The following TBC1D17 variants were observed in gnomAD, a reference collection of about 807,000 sequenced individuals.
TBC1D17 encodes the protein TBC1 domain family, member 17.
A neutral mutation model predicts 78.8 loss-of-function variants in TBC1D17; 69 were observed. The observed-to-expected ratio is 0.88, with a 90% CI of 0.72 to 1.07. The LOEUF (loss-of-function observed/expected upper bound fraction) is 1.07. TBC1D17 is among the 50% of genes least tolerant of loss of function. The pLI is 0.00. For synonymous variants in TBC1D17, 456 were observed against 358.3 expected, an observed-to-expected ratio of 1.27 and a Z score of -3.08; for missense variants, 957 against 861.0, an observed-to-expected ratio of 1.11 and a Z score of -1.39.
intron 1 of TBC1D17, 33 bp from the exon 2 acceptor site, chr19:49,878,110 G>T: frequency 1.3e-6 from 2 of 1,540,998 alleles, no homozygotes. Flanking sequence ...CCCTCGCTTG[G>T]GCCCCAGCCC....
chr19:49,888,542 C>A lies in TBC1D17; in HGVS notation c.1865C>A (p.Pro622Gln). 6.5e-7 allele frequency: 1 copy of A among 1,536,568 alleles called. No individual in the cohort carries two copies. The highest frequency in any genetic ancestry group is 8.7e-7 in the Non-Finnish European group (1 of 1,146,018). Residue 622 changes from proline to glutamine, a missense_variant, in exon 17 of 17, where the codon CCG (proline) becomes CAG (glutamine). Transcript: ENST00000221543. Reference protein sequence around the residue: ...LSPTRAPPTPPPSTDTAPQPD... With the variant: ...LSPTRAPPTPQPSTDTAPQPD... ...CCCACCCGGGCCCCGCCCACCCCGC[C>A]GCCCTCCACGGACACAGCCCCGCAG...
chr19:49,882,125 T>C lies in TBC1D17; in HGVS notation c.612T>C (p.Phe204=), dbSNP rs768068595. 6.8e-6 allele frequency: 11 copies of C among 1,614,120 alleles called. No individual in the cohort carries two copies. The highest frequency in any genetic ancestry group is 9.3e-6 in the Non-Finnish European group (11 of 1,180,006). Residue 204 remains phenylalanine, a synonymous_variant, in exon 6 of 17, where the codon TTT becomes TTC. Transcript: ENST00000221543. ...ACTCCTTCCACCACCTGCAGCTCTT[T>C]GACCAGGACAGCTCCAATGTGGTGT... ...LSNSFHHLQL[F]DQDSSNVVSR...
intron 14 of TBC1D17, 37 bp downstream of exon 14, chr19:49,887,610 T>TG (rs1383014563): frequency 2.5e-6 from 4 of 1,611,786 alleles, no homozygotes; most frequent in Non-Finnish European, 3.4e-6. Context: ...CCTGAAGGGG[T>TG]GGGCTCACCT....
intron 4 of TBC1D17, 95 bp downstream of exon 4, chr19:49,880,497 C>T: frequency 6.7e-7 from 1 of 1,485,124 alleles, no homozygotes; most frequent in Non-Finnish European, 9.0e-7. Context: ...TTGCTGCCCA[C>T]AATCAAGAAG....
rs2075037393 is a variant in TBC1D17 at position 49,883,943 on chromosome 19, G to A, written c.1126+198G>A. Among the ~76,000 whole-genome samples, 2 of 152,304 alleles carry A rather than the reference G, an allele frequency of 1.3e-5. 1 individual carries two copies. The highest frequency in any genetic ancestry group is 6.8e-3 in the Middle Eastern group (2 of 294). On this transcript the variant is annotated intron_variant, in intron 10 of 16. Transcript: ENST00000221543. ...GCCAGGGACAGGATGGGAAAGAAGG[G>A]GAGCCCAGCTCCCTTCAGGCCCAGT...
At position 49,884,771 on chromosome 19, in the gene TBC1D17, G is replaced by A. The variant is rs780905720; in HGVS notation, c.1444+13G>A. The stretch of plus-strand genomic sequence containing the variant: ...TGCGACTTCCTGGGTATGTCTCTCG[G>A]GAGGGTGGGCAGGAGACAATGGGGC... On this transcript the variant is annotated intron_variant, in intron 13 of 16. Coordinates refer to ENST00000221543, the MANE Select transcript of TBC1D17 (RefSeq NM_024682.3). 56 of 1,612,652 alleles carry A rather than the reference G, an allele frequency of 3.5e-5. No individual in the cohort carries two copies. In the Admixed American group the frequency reaches 8.8e-4, roughly 25 times the overall value.
In TBC1D17 at chr19:49,880,393, C is replaced by T. The variant is rs1038152730; in HGVS notation, c.310C>T (p.Pro104Ser). Residue 104 changes from proline to serine, a missense_variant, in exon 4 of 17, where the codon CCC becomes TCC. Coordinates refer to ENST00000221543, the MANE Select transcript of TBC1D17 (RefSeq NM_024682.3). The stretch of plus-strand genomic sequence containing the variant: ...GCGGCCACAGCTCTGCCACTCAGAG[C>T]CCACGAGAGGTAGGCTGAGGTGGCG... ...TVRPQLCHSE[P>S]TRGAEPSCPQ... The T allele has an allele frequency of 8.7e-6, 14 of 1,613,586 alleles. No homozygotes were observed. Among genetic ancestry groups the T allele is most frequent in the Non-Finnish European group, 9.3e-6 (11 of 1,179,840 alleles).
At chr19:49,884,418 C>A (rs746844668) in intron 11 of TBC1D17, 41 bp from the exon 12 acceptor site, 1 of 1,613,462 alleles carries the variant, frequency 6.2e-7, no homozygotes, top group Admixed American at 1.7e-5. Context: ...TCCAGGGGAG[C>A]GCTGCGGGCT....
chr19:49,885,245 C>G (rs2075048845), intron 13 of TBC1D17: 1 of 167,450 alleles, frequency 6.0e-6, no homozygotes, highest in Non-Finnish European at 1.3e-5. Context: ...GTCAGGAGTT[C>G]AAGACCAGCC....
Position 49,883,765 on chromosome 19 carries a change from CT to C in TBC1D17, c.1126+22del. 1.2e-6 allele frequency: 2 copies of C among 1,607,938 alleles called. No individual in the cohort carries two copies. The highest frequency in any genetic ancestry group is 1.7e-6 in the Non-Finnish European group (2 of 1,175,024). On this transcript the variant is annotated intron_variant, in intron 10 of 16. Transcript: ENST00000221543. Reference sequence around the variant, plus strand: ...TCATCGGTCAGTGTCAGGGGTGGCACTTAGGGTGGATGGGAGCAGGGAACCA... The same window carrying C: ...TCATCGGTCAGTGTCAGGGGTGGCACTAGGGTGGATGGGAGCAGGGAACCA...
In TBC1D17 at chr19:49,884,122, C is replaced by A. The variant is rs113666707; in HGVS notation, c.1127-131C>A. 8.9e-4 allele frequency: 719 copies of A among 808,272 alleles called. 6 individuals carry two copies. The African/African-American group carries it at 0.012, about 13-fold the overall frequency. 50.1% of individuals were successfully genotyped at this position (808,272 alleles called of 1,614,324 possible). A position where few individuals can be genotyped will look rare whatever the true frequency, so the allele number is the denominator to read the frequency against. ...GTGATAGTTTCTAGAACCAGCTCTG[C>A]TTCTCCCCCAGAGCAAACCCCGAGG... On this transcript the variant is annotated intron_variant, in intron 10 of 16. Coordinates refer to ENST00000221543, the MANE Select transcript of TBC1D17 (RefSeq NM_024682.3).
intron 2 of TBC1D17, 124 bp from the exon 3 acceptor site, chr19:49,878,374 G>C (rs2122417045): frequency 1.6e-6 from 2 of 1,247,746 alleles, no homozygotes; most frequent in African/African-American, 3.0e-5. Context: ...GTGGGAACTG[G>C]AATGAGGGGC....
rs1207890648 is a variant in TBC1D17 at position 49,878,586 on chromosome 19, G to A, written c.195+14G>A. On this transcript the variant is annotated intron_variant, in intron 3 of 16. Transcript: ENST00000221543. ...TTCTCCAAGAAGGTAGGCTCCACCC[G>A]CTTTGCCCTTCTCCACTCGCTTTTT... 21 of 1,613,366 alleles carry A rather than the reference G, an allele frequency of 1.3e-5. No individual in the cohort carries two copies. Among genetic ancestry groups the A allele is most frequent in the Non-Finnish European group, 1.7e-5 (20 of 1,179,482 alleles).
intron 12 of TBC1D17, 44 bp from the exon 13 acceptor site, chr19:49,884,615 T>G: frequency 6.2e-7 from 1 of 1,613,456 alleles, no homozygotes; most frequent in Non-Finnish European, 8.5e-7. Context: ...GGTGTCCTGG[T>G]ACCTCACGGG....
At chr19:49,879,888 T>A (rs1193892218) in intron 3 of TBC1D17, among the ~76,000 whole-genome samples, 1 of 150,794 alleles carries the variant, frequency 6.6e-6, no homozygotes, top group Non-Finnish European at 1.5e-5. Context: ...GAATTTGCTC[T>A]TGTTGCCCAG....
chr19:49,882,615 G>C, intron 7 of TBC1D17, 149 bp from the exon 8 acceptor site: 1 of 1,383,726 alleles, frequency 7.2e-7, no homozygotes, highest in Non-Finnish European at 9.5e-7. Flanking sequence ...GGGATGACTT[G>C]GCTGCTGAGC....
chr19:49,884,876 C>T, intron 13 of TBC1D17, 118 bp downstream of exon 13: 1 of 847,614 alleles, frequency 1.2e-6, no homozygotes, highest in South Asian at 1.6e-5. Context: ...AGAGAAACAT[C>T]CCCACACAAC....
chr19:49,883,867 T>TCTTGGGGGAAAG, intron 10 of TBC1D17, 122 bp downstream of exon 10: 1 of 823,572 alleles, frequency 1.2e-6, no homozygotes, highest in Non-Finnish European at 2.0e-6. Flanking sequence ...TGAGAGGGCA[T>TCTTGGGGGAAAG]CTTGGGGGAA....
At position 49,888,315 on chromosome 19, in the gene TBC1D17, C is replaced by T. The variant is rs1387068415; in HGVS notation, c.1744C>T (p.Pro582Ser). 3.2e-6 allele frequency: 5 copies of T among 1,571,078 alleles called. No homozygotes were observed. The highest frequency in any genetic ancestry group is 3.5e-6 in the Non-Finnish European group (4 of 1,159,100). ...EALHRQLTAC[P>S]ELPHNVQEIL... ...CCTGCACCGCCAGCTAACCGCCTGC[C>T]CCGTGAGTCCCCGTCCGCCCCGCAG... The change falls in exon 16 of 17, where the codon CCC becomes TCC. Residue 582 changes from proline (P) to serine (S), a missense_variant and splice_region_variant. Physicochemically the swap from Pro to Ser is moderately conservative, Grantham distance 74 (BLOSUM62 -1). Transcript: ENST00000221543.
Sources: allele counts gnomAD v4.1 joint callset (sites outside exome capture counted in the v4.1 genomes callset), GRCh38; gene constraint gnomAD v4.1.1; transcripts MANE v1.5; gene names NCBI Gene and HGNC (gene_info 2026-07-23, HGNC 2026-07-21).